Variants in CEACAM18 observed in about 807,000 individuals in gnomAD.
CEACAM18 encodes CEA cell adhesion molecule 18.
A neutral mutation model predicts 34.3 loss-of-function variants in CEACAM18; 33 were observed. The ratio of observed to expected loss-of-function variants is 0.96; its 90% CI spans 0.73 to 1.29. CEACAM18 has a LOEUF of 1.29. CEACAM18 is among the 50% of genes most tolerant of loss of function. The probability of loss-of-function intolerance (pLI) is 0.00; values close to 1 mark genes in which losing one functional copy is unlikely to be tolerated. For synonymous variants in CEACAM18, 169 were observed against 180.9 expected, an observed-to-expected ratio of 0.93 and a Z score of 0.53; for missense variants, 474 against 485.0, an observed-to-expected ratio of 0.98 and a Z score of 0.21.
intron 3 of CEACAM18, among the ~76,000 whole-genome samples, chr19:51,482,549 G>T (rs1408197631): frequency 1.3e-5 from 2 of 152,324 alleles, no homozygotes; most frequent in Middle Eastern, 3.4e-3. Flanking sequence ...TCCAGAGGCT[G>T]CAGCTGCTCA....
intron 5 of CEACAM18, 40 bp from the exon 6 acceptor site, chr19:51,490,547 G>C: frequency 8.1e-7 from 1 of 1,231,874 alleles, no homozygotes; most frequent in Non-Finnish European, 1.0e-6. Flanking sequence ...TGTTTCTTAG[G>C]GACCTGAGAT....
intron 5 of CEACAM18, among the ~76,000 whole-genome samples, chr19:51,490,087 G>T (rs1990066354): frequency 1.3e-5 from 2 of 152,134 alleles, no homozygotes; most frequent in South Asian, 4.1e-4. Context: ...TGGGAATATT[G>T]GCCTCTGTTA....
At chr19:51,481,231 G>A (rs932383521) in intron 2 of CEACAM18, among the ~76,000 whole-genome samples, 162 bp from the exon 3 acceptor site, 6 of 152,188 alleles carry the variant, frequency 3.9e-5, no homozygotes, top group Non-Finnish European at 7.3e-5. Context: ...TCATTGCCCT[G>A]TGCCTATTCC....
chr19:51,480,721 G>T, intron 2 of CEACAM18, 41 bp downstream of exon 2: 1 of 1,539,350 alleles, frequency 6.5e-7, no homozygotes, highest in South Asian at 1.2e-5. Context: ...CCCAAGGAGA[G>T]CTAGATGTGA....
chr19:51,490,841 T>C, exon 6 of CEACAM18: 1 of 390,620 alleles, frequency 2.6e-6, no homozygotes, highest in Non-Finnish European at 4.5e-6. Flanking sequence ...GTGGGTAGCG[T>C]GGCCATTGGG....
At chr19:51,487,622 C>G (rs1342016717) in intron 5 of CEACAM18, among the ~76,000 whole-genome samples, 1 of 152,066 alleles carries the variant, frequency 6.6e-6, no homozygotes, top group Admixed American at 6.6e-5. Flanking sequence ...AAAAATTAGC[C>G]AAGTGTGATG....
At chr19:51,490,811 C>T (rs1410553382) in exon 6 of CEACAM18, 4 of 402,016 alleles carry the variant, frequency 9.9e-6, no homozygotes, top group Non-Finnish European at 1.3e-5. Flanking sequence ...AGACCCCACC[C>T]GGGACCTGAA....
At chr19:51,483,061 A>G in exon 4 of CEACAM18, 1 of 1,614,012 alleles carries the variant, frequency 6.2e-7, no homozygotes, top group Non-Finnish European at 8.5e-7. Flanking sequence ...TGATGATTTC[A>G]ACGGCATTGT....
Position 51,489,060 on chromosome 19 carries a change from C to T in CEACAM18, c.1090-1527C>T, listed in dbSNP as rs571721666. On this transcript the variant is annotated intron_variant, in intron 5 of 5. Transcript: ENST00000396477. The stretch of plus-strand genomic sequence containing the variant: ...CTGCTTCCACTCGAATTTCTTCAGA[C>T]GAAAAGTTTCCAGGGGTTTCTATCC... 1.6e-3 allele frequency among the ~76,000 whole-genome samples: 236 copies of T among 150,992 alleles called. 1 individual carries two copies. Among genetic ancestry groups the T allele is most frequent in the Non-Finnish European group, 3.0e-3 (206 of 67,736 alleles).
Position 51,490,586 on chromosome 19 carries a change from G to A in CEACAM18, c.1090-1G>A, listed in dbSNP as rs1480356657. 3 of 1,232,080 alleles carry A rather than the reference G, an allele frequency of 2.4e-6. No homozygotes were observed. Among genetic ancestry groups the A allele is most frequent in the East Asian group, 3.2e-5 (1 of 31,714 alleles). 76.3% of individuals were successfully genotyped at this position (1,232,080 alleles called of 1,614,324 possible). A position where few individuals can be genotyped will look rare whatever the true frequency, so the allele number is the denominator to read the frequency against. On this transcript the variant is annotated splice_acceptor_variant, in intron 5 of 5. Coordinates refer to ENST00000396477, the Ensembl canonical transcript of CEACAM18. LOFTEE classifies it high-confidence loss of function. ...GCTTCTTCCCTGATTTCTCCCCATA[G>A]GACAAATCGGGCTCCATGAGTGTCC...
rs145630137 is a variant in CEACAM18 at position 51,482,363 on chromosome 19, A to G, written c.674-654A>G. Among the ~76,000 whole-genome samples the G allele has an allele frequency of 3.2e-3, 494 of 152,338 alleles. 2 individuals carry two copies. The highest frequency in any genetic ancestry group is 0.011 in the African/African-American group (468 of 41,576). On this transcript the variant is annotated intron_variant, in intron 3 of 5. Coordinates refer to ENST00000396477, the Ensembl canonical transcript of CEACAM18. ...CTTCCACATCTTCCAACTGAAAACC[A>G]TAATCACACATCTAAAATCACTTTC...
Position 51,483,055 on chromosome 19 carries a change from G to T in CEACAM18, c.712G>T (p.Asp238Tyr), listed in dbSNP as rs765552331. The change falls in exon 4 of 6, where the codon GAT becomes TAT. Residue 238 changes from aspartate to tyrosine, a missense_variant. By Grantham distance (160) the Asp-to-Tyr change is radical. Transcript: ENST00000396477. ...TGTGCTGCTGAGGAGCAATCCTGAT[G>T]ATTTCAACGGCATTGTGACAGCTGA... The T allele has an allele frequency of 1.8e-5, 29 of 1,613,906 alleles. 1 individual carries two copies. The South Asian group carries it at 1.9e-4, about 10-fold the overall frequency.
Position 51,482,915 on chromosome 19 carries a change from C to T in CEACAM18, c.674-102C>T, listed in dbSNP as rs10425569. 1.8e-3 allele frequency: 2,592 copies of T among 1,408,434 alleles called. 40 individuals are homozygous for T. The African/African-American group carries it at 0.03, about 16-fold the overall frequency. 87.2% of individuals were successfully genotyped at this position (1,408,434 alleles called of 1,614,324 possible). A position where few individuals can be genotyped will look rare whatever the true frequency, so the allele number is the denominator to read the frequency against. ...CCTGGGGCAGGTCTAGGGGTTAGCC[C>T]GAGGTGCACAATGGGGAACCTCCTG... On this transcript the variant is annotated intron_variant, in intron 3 of 5. Coordinates refer to ENST00000396477, the Ensembl canonical transcript of CEACAM18.
intron 5 of CEACAM18, among the ~76,000 whole-genome samples, chr19:51,487,681 A>G (rs1990028975): frequency 6.6e-6 from 1 of 151,192 alleles, no homozygotes; most frequent in African/African-American, 2.4e-5. Context: ...CAGGAGAATC[A>G]CTTGAACCTG....
chr19:51,478,663 A>T (rs776580267), exon 1 of CEACAM18: 21 of 1,509,550 alleles, frequency 1.4e-5, no homozygotes, highest in South Asian at 3.9e-5. Context: ...CCAGACCCAG[A>T]TGGAGCCTGT....
chr19:51,482,080 T>C (rs561901061), intron 3 of CEACAM18, among the ~76,000 whole-genome samples: 1 of 152,330 alleles, frequency 6.6e-6, no homozygotes, highest in African/African-American at 2.4e-5. Flanking sequence ...GTATAGTCCC[T>C]GTCACTCTCT....
At chr19:51,480,133 G>T (rs1278884591) in intron 1 of CEACAM18, among the ~76,000 whole-genome samples, 200 bp from the exon 2 acceptor site, 4 of 152,110 alleles carry the variant, frequency 2.6e-5, no homozygotes, top group Non-Finnish European at 4.4e-5. Context: ...AGAAGATAAG[G>T]GTAAAATGGA....
At position 51,480,772 on chromosome 19, in the gene CEACAM18, G is replaced by C. The variant is rs529734406; in HGVS notation, c.400+92G>C. ...GACATTATACAGAGCATGACACCGG[G>C]AGTGGAAATCACGGAGCCGCCCTGG... On this transcript the variant is annotated intron_variant, in intron 2 of 5. Coordinates refer to ENST00000396477, the Ensembl canonical transcript of CEACAM18. 4.9e-5 allele frequency: 60 copies of C among 1,213,566 alleles called. No homozygotes were observed. The African/African-American group carries it at 6.1e-4, about 12-fold the overall frequency. 75.2% of individuals were successfully genotyped at this position (1,213,566 alleles called of 1,614,324 possible).
At chr19:51,481,590 A>G in exon 3 of CEACAM18, 1 of 1,614,036 alleles carries the variant, frequency 6.2e-7, no homozygotes, top group South Asian at 1.1e-5. Context: ...CCGCTATGAC[A>G]GAACAATTCA....
Sources: allele counts gnomAD v4.1 joint callset (sites outside exome capture counted in the v4.1 genomes callset), GRCh38; gene constraint gnomAD v4.1.1; transcripts MANE v1.5; gene names NCBI Gene and HGNC (gene_info 2026-07-23, HGNC 2026-07-21).